SULT1A2: variants seen among roughly 807,000 people sequenced by gnomAD.
SULT1A2 encodes the protein sulfotransferase family 1A member 2.
A neutral mutation model predicts 36.0 loss-of-function variants in SULT1A2; 33 were observed. That is an observed-to-expected ratio of 0.92 (90% CI 0.69 to 1.22). SULT1A2 has a LOEUF of 1.22. SULT1A2 is among the 50% of genes most tolerant of loss of function. The pLI, the probability that SULT1A2 is intolerant of heterozygous loss-of-function variation, is 0.00. For synonymous variants in SULT1A2, 138 were observed against 144.5 expected (o/e 0.96, Z 0.32); for missense variants, 367 against 383.2 (o/e 0.96, Z 0.35).
rs766233374 is a variant in SULT1A2, at chr16:28,595,783, C to T, written c.148G>A (p.Gly50Ser). Residue 50 changes from glycine (G) to serine (S), a missense_variant and splice_region_variant, in exon 2 of 8, where the codon GGC becomes AGC. Coordinates refer to ENST00000335715, the MANE Select transcript of SULT1A2 (RefSeq NM_001054.4). ...AGGGTGGGTGGCCCTCCTCACCTAC[C>T]GGACTTGGGGTAGGTGCTGATGAGC... ...DLLISTYPKS[G>S]TTWVSQILDM... 101 of 1,612,652 alleles carry T rather than the reference C, an allele frequency of 6.3e-5. 1 individual carries two copies. The East Asian group carries it at 1.8e-3, about 30-fold the overall frequency.
chr16:28,592,609 C>T (rs1430419689), intron 6 of SULT1A2, 166 bp from the exon 7 acceptor site: 14 of 1,280,050 alleles, frequency 1.1e-5, no homozygotes, highest in Non-Finnish European at 1.5e-5. Flanking sequence ...AAATGAATTG[C>T]TGTCTGCCCT....
At chr16:28,594,731 G>A (rs1302810160) in intron 4 of SULT1A2, among the ~76,000 whole-genome samples, 1 of 148,114 alleles carries the variant, frequency 6.8e-6, no homozygotes, top group Non-Finnish European at 1.5e-5. Context: ...GGTATTACAG[G>A]CGTGAGCCAC....
intron 4 of SULT1A2, among the ~76,000 whole-genome samples, chr16:28,594,251 C>T (rs983011053): frequency 6.6e-6 from 1 of 152,018 alleles, no homozygotes; most frequent in Non-Finnish European, 1.5e-5. Context: ...AGCAATCCTC[C>T]AACCTTAGAC....
Position 28,592,143 on chromosome 16 carries a change from G to T in SULT1A2, c.776-3C>A. On this transcript the variant is annotated splice_polypyrimidine_tract_variant and splice_region_variant and intron_variant, in intron 7 of 7. Transcript: ENST00000335715. ...GGTCTTCCAGTCCCCAGCCATGCCT[G>T]GGGGAGGAAGGCAGGGAGCAAAGCT... 1 of 1,612,196 alleles carries T rather than the reference G, an allele frequency of 6.2e-7. No individual in the cohort carries two copies. The highest frequency in any genetic ancestry group is 8.5e-7 in the Non-Finnish European group (1 of 1,179,796).
chr16:28,595,648 T>G lies in SULT1A2; in HGVS notation c.176A>C (p.Asp59Ala), dbSNP rs1269284625. 1.2e-6 allele frequency: 2 copies of G among 1,614,166 alleles called. No individual in the cohort carries two copies. Among genetic ancestry groups the G allele is most frequent in the Admixed American group, 3.3e-5 (2 of 60,028 alleles). Residue 59 changes from aspartate (D) to alanine (A), a missense_variant, in exon 3 of 8, where the codon GAC becomes GCC. Transcript: ENST00000335715. ...SGTTWVSQIL[D>A]MIYQGGDLEK... ...CAGGTCACCGCCCTGGTAGATCATG[T>G]CCAGAATCTGGCTCACCCAGGTGGT...
rs1323327775 is a variant in SULT1A2 at position 28,596,327 on chromosome 16, T to G, written c.-4-393A>C. ...CAGCCAGCGCCCTTTGTCTCACCAT[T>G]TCCTGCTGGGACCCCCAGCCTCCAC... On this transcript the variant is annotated intron_variant, in intron 1 of 7. Transcript: ENST00000335715. 4 of 1,147,670 alleles carry G rather than the reference T, an allele frequency of 3.5e-6. No homozygotes were observed. In the East Asian group the frequency reaches 2.1e-4, roughly 59 times the overall value. 71.1% of individuals were successfully genotyped at this position (1,147,670 alleles called of 1,614,324 possible).
chr16:28,596,929 T>G lies in SULT1A2; in HGVS notation c.-5+68A>C. 4 of 1,110,156 alleles carry G rather than the reference T, an allele frequency of 3.6e-6. No homozygotes were observed. The Admixed American group carries it at 1.3e-4, about 36-fold the overall frequency. 68.8% of individuals were successfully genotyped at this position (1,110,156 alleles called of 1,614,324 possible). On this transcript the variant is annotated intron_variant, in intron 1 of 7. Transcript: ENST00000335715. ...GGCAGGGATAGCAGAGGCCTCGGCT[T>G]CTGGAATGTTGGAGCCACAAGCTGA...
At chr16:28,592,532 T>A in intron 6 of SULT1A2, 89 bp from the exon 7 acceptor site, 2 of 1,594,610 alleles carry the variant, frequency 1.3e-6, no homozygotes, top group South Asian at 1.1e-5. Context: ...AGAGGGGAAC[T>A]GGCCACTTCC....
rs762839916 is a variant in SULT1A2 at position 28,592,370 on chromosome 16, A to G, written c.668T>C (p.Met223Thr). ...CTCCTTGAACGACGTGTGCTCAACC[A>G]TGAGGTCCACAGTCTCCTCTGGCAG... ...RSLPEETVDL[M>T]VEHTSFKEMK... is the part of the protein sequence containing the mutation. Residue 223 changes from methionine to threonine, a missense_variant, in exon 7 of 8, where the codon ATG becomes ACG. Coordinates refer to ENST00000335715, the MANE Select transcript of SULT1A2 (RefSeq NM_001054.4). 8 of 1,613,896 alleles carry G rather than the reference A, an allele frequency of 5.0e-6. No homozygotes were observed. The highest frequency in any genetic ancestry group is 6.8e-6 in the Non-Finnish European group (8 of 1,179,908).
chr16:28,592,232 G>A, intron 7 of SULT1A2, 31 bp downstream of exon 7: 1 of 1,613,892 alleles, frequency 6.2e-7, no homozygotes, highest in Non-Finnish European at 8.5e-7. Context: ...GCTCCCACCT[G>A]CTCCAAACCC....
chr16:28,592,952 A>G (rs1413502197), intron 6 of SULT1A2, among the ~76,000 whole-genome samples: 7 of 152,114 alleles, frequency 4.6e-5, no homozygotes, highest in African/African-American at 1.7e-4. Context: ...GGGGGGTTAC[A>G]CTGAGCTGAG....
At chr16:28,594,559 T>G (rs2047036208) in intron 4 of SULT1A2, among the ~76,000 whole-genome samples, 1 of 152,184 alleles carries the variant, frequency 6.6e-6, no homozygotes, top group African/African-American at 2.4e-5. Context: ...TGCAAGCTAT[T>G]CTCCTGCCTC....
Position 28,595,599 on chromosome 16 carries a change from G to C in SULT1A2, c.225C>G (p.Ile75Met). The C allele has an allele frequency of 6.2e-7, 1 of 1,614,234 alleles. No homozygotes were observed. Among genetic ancestry groups the C allele is most frequent in the Non-Finnish European group, 8.5e-7 (1 of 1,180,042 alleles). ...GDLEKCHRAP[I>M]FMRVPFLEFK... ...ACTCAAGGAAGGGCACCCGCATGAA[G>C]ATGGGAGCTCGGTGACACTTTTCCA... The change falls in exon 3 of 8, where the codon ATC (isoleucine) becomes ATG (methionine). Residue 75 changes from isoleucine (I) to methionine (M), a missense_variant. By Grantham distance (10) the Ile-to-Met change is conservative (BLOSUM62 1). Coordinates refer to ENST00000335715, the MANE Select transcript of SULT1A2 (RefSeq NM_001054.4).
rs200829504 is a variant in SULT1A2 at position 28,595,480 on chromosome 16, G to A, written c.275-16C>T. 131 of 1,614,142 alleles carry A rather than the reference G, an allele frequency of 8.1e-5. No individual in the cohort carries two copies. In the East Asian group the frequency reaches 2.9e-3, roughly 35 times the overall value. On this transcript the variant is annotated splice_polypyrimidine_tract_variant and intron_variant, in intron 3 of 7. Coordinates refer to ENST00000335715, the MANE Select transcript of SULT1A2 (RefSeq NM_001054.4). The stretch of plus-strand genomic sequence containing the variant: ...GTCTCCATCCCTGAGCAGTGGGTCA[G>A]GGAAGGTCTGGTGAGCTGAAGCCCC...
chr16:28,594,111 G>GA (rs1389185430), intron 4 of SULT1A2, among the ~76,000 whole-genome samples: 1 of 149,368 alleles, frequency 6.7e-6, no homozygotes, highest in Admixed American at 6.6e-5. Flanking sequence ...TTTTTTTGGG[G>GA]GGGGGGACTC....
chr16:28,595,527 C>T, intron 3 of SULT1A2, 23 bp downstream of exon 3: 2 of 1,614,160 alleles, frequency 1.2e-6, no homozygotes, highest in Admixed American at 3.3e-5. Flanking sequence ...CCTCCACTCC[C>T]CTTGCACCCA....
intron 4 of SULT1A2, 42 bp downstream of exon 4, chr16:28,595,325 A>G: frequency 6.2e-7 from 1 of 1,609,136 alleles, no homozygotes; most frequent in Non-Finnish European, 8.5e-7. Flanking sequence ...AGCCTCCCAA[A>G]GTACTGAGAT....
rs765957556 is a variant in SULT1A2 at position 28,593,364 on chromosome 16, G to T, written c.500-18C>A. ...ATAGGACACTGGAGAAGCGGGCAGG[G>T]AGTGCCGACACAGGGTTGCTGTGCG... On this transcript the variant is annotated intron_variant, in intron 5 of 7. Transcript: ENST00000335715. The T allele has an allele frequency of 5.8e-5, 93 of 1,614,178 alleles. 1 individual carries two copies. The South Asian group carries it at 9.2e-4, about 16-fold the overall frequency.
chr16:28,594,408 C>T (rs1772726344), intron 4 of SULT1A2, among the ~76,000 whole-genome samples: 1 of 152,188 alleles, frequency 6.6e-6, no homozygotes, highest in East Asian at 1.9e-4. Context: ...TCCCAAAATG[C>T]TGGCATTACA....
Sources: gnomAD v4.1 joint callset for allele counts (sites outside exome capture counted in the v4.1 genomes callset) on GRCh38, gnomAD v4.1.1 for gene constraint, MANE v1.5 for transcripts, NCBI Gene and HGNC (gene_info 2026-07-23, HGNC 2026-07-21) for gene names.